Variants in SLC28A1 observed in about 807,000 individuals in gnomAD.
The protein encoded by SLC28A1 is solute carrier family 28 member 1, also known as sodium/nucleoside cotransporter 1.
Under a neutral mutation model 74.8 loss-of-function variants are expected in SLC28A1, and 64 were observed. That is an observed-to-expected ratio of 0.86 (90% CI 0.70 to 1.05). The LOEUF is 1.05. Among genes scored for constraint, SLC28A1 ranks in the 50% least tolerant of loss-of-function variants. SLC28A1 has a pLI of 0.00. For synonymous variants in SLC28A1, 359 were observed against 335.0 expected (o/e 1.07, Z -0.78); for missense variants, 828 against 822.8 (o/e 1.01, Z -0.08).
At chr15:84,935,284 C>A (rs984616988) in intron 14 of SLC28A1, 37 bp from the exon 15 acceptor site, 1 of 1,613,268 alleles carries the variant, frequency 6.2e-7, no homozygotes, top group Admixed American at 1.7e-5. Flanking sequence ...GAGCCCAGGC[C>A]CAGCCCTCGG....
intron 8 of SLC28A1, 122 bp from the exon 9 acceptor site, chr15:84,908,596 C>CT (rs373191647): frequency 8.9e-6 from 7 of 789,098 alleles, no homozygotes; most frequent in Admixed American, 2.0e-5. Context: ...TGCCCCCCCC[C>CT]GGATAAGGGC....
intron 1 of SLC28A1, among the ~76,000 whole-genome samples, 178 bp downstream of exon 1, chr15:84,884,929 C>T (rs550457188): frequency 1.3e-5 from 2 of 152,276 alleles, no homozygotes; most frequent in African/African-American, 4.8e-5. Context: ...CCCATGGAGA[C>T]AGTAGTGCTG....
chr15:84,887,587 G>T (rs1178288518), intron 2 of SLC28A1, 158 bp from the exon 3 acceptor site: 1 of 985,384 alleles, frequency 1.0e-6, no homozygotes, highest in Non-Finnish European at 1.2e-6. Flanking sequence ...ACAAGGAGGG[G>T]TGAGCTCTGG....
the SLC28A1 span, among the ~76,000 whole-genome samples, chr15:84,952,356 C>T: frequency 6.6e-6 from 1 of 152,148 alleles, no homozygotes; most frequent in Non-Finnish European, 1.5e-5. Flanking sequence ...AGTAAGAAGG[C>T]AGTAACCCAC....
intron 1 of SLC28A1, 62 bp downstream of exon 1, chr15:84,884,813 G>C: frequency 9.5e-6 from 8 of 837,788 alleles, no homozygotes; most frequent in Non-Finnish European, 1.2e-5. Context: ...GGGGAAGGGG[G>C]TAGCACAGGG....
intron 15 of SLC28A1, chr15:84,939,688 T>C (rs145349540): frequency 4.6e-5 from 7 of 152,302 alleles, no homozygotes; most frequent in Admixed American, 2.6e-4. Context: ...CTTTGTATCA[T>C]TGAAGTTTTA....
chr15:84,911,521 C>T (rs1968212660), intron 9 of SLC28A1, among the ~76,000 whole-genome samples: 1 of 152,160 alleles, frequency 6.6e-6, no homozygotes, highest in Non-Finnish European at 1.5e-5. Context: ...CATGTCTCTC[C>T]TCCAAATACA....
chr15:84,911,415 AGT>A (rs1423825740), intron 9 of SLC28A1, among the ~76,000 whole-genome samples: 2 of 152,210 alleles, frequency 1.3e-5, no homozygotes, highest in African/African-American at 2.4e-5. Flanking sequence ...GCAATGGCAC[AGT>A]GAGTTGGCGC....
At chr15:84,970,355 G>A in the SLC28A1 span, among the ~76,000 whole-genome samples, 10 of 152,102 alleles carry the variant, frequency 6.6e-5, no homozygotes, top group African/African-American at 9.7e-5. Flanking sequence ...TCACATGCCC[G>A]TGACTAACCA....
intron 15 of SLC28A1, among the ~76,000 whole-genome samples, chr15:84,937,368 T>TGCAGCAGCTGAAATCAGCA (rs1972058343): frequency 6.6e-6 from 1 of 152,192 alleles, no homozygotes; most frequent in South Asian, 2.1e-4. Context: ...TTCACGTGGC[T>TGCAGCAGCTGAAATCAGCA]GCAGCAGCTG....
intron 1 of SLC28A1, among the ~76,000 whole-genome samples, chr15:84,885,052 G>A (rs771680988): frequency 8.6e-5 from 13 of 152,038 alleles, no homozygotes; most frequent in Non-Finnish European, 1.5e-4. Flanking sequence ...TCCACCTCTC[G>A]GGTTCAAGCA....
At chr15:84,971,960 A>G in the SLC28A1 span, among the ~76,000 whole-genome samples, 2 of 152,260 alleles carry the variant, frequency 1.3e-5, no homozygotes, top group South Asian at 4.2e-4. Flanking sequence ...TTTTCTTTAT[A>G]AATTAGCCAG....
intron 6 of SLC28A1, chr15:84,895,400 G>T (rs1965879848): frequency 6.2e-7 from 1 of 1,614,056 alleles, no homozygotes; most frequent in East Asian, 2.2e-5. Flanking sequence ...ATGGAGCAAG[G>T]AGGGCCCGAA....
chr15:84,962,907 C>T, the SLC28A1 span, among the ~76,000 whole-genome samples: 4 of 152,128 alleles, frequency 2.6e-5, no homozygotes, highest in Non-Finnish European at 5.9e-5. Context: ...ACAGAGCTTT[C>T]GCCCCTCCCT....
intron 6 of SLC28A1, among the ~76,000 whole-genome samples, chr15:84,900,555 T>C (rs1966570018): frequency 6.6e-6 from 1 of 151,958 alleles, no homozygotes; most frequent in South Asian, 2.1e-4. Context: ...TTTCAGCACT[T>C]TGTGAGGCTG....
chr15:84,975,127 A>G, the SLC28A1 span, among the ~76,000 whole-genome samples: 5 of 152,184 alleles, frequency 3.3e-5, no homozygotes, highest in Non-Finnish European at 5.9e-5. Flanking sequence ...GGCCTGGGTG[A>G]CTTAGGTTCC....
At chr15:84,899,157 C>G (rs978378481) in intron 6 of SLC28A1, among the ~76,000 whole-genome samples, 4 of 151,104 alleles carry the variant, frequency 2.6e-5, no homozygotes, top group Admixed American at 2.6e-4. Flanking sequence ...GTTTAGCGTA[C>G]TAAGAAGGTT....
chr15:84,890,558 C>T (rs1965255354), intron 5 of SLC28A1, 24 bp downstream of exon 5: 1 of 1,573,770 alleles, frequency 6.4e-7, no homozygotes, highest in Non-Finnish European at 8.7e-7. Flanking sequence ...CCAGCACTAC[C>T]CAGGACACAA....
chr15:84,892,736 G>T (rs1029074847), intron 5 of SLC28A1, among the ~76,000 whole-genome samples: 1 of 152,168 alleles, frequency 6.6e-6, no homozygotes, highest in Admixed American at 6.5e-5. Flanking sequence ...CATATTCTCA[G>T]GACTTGGCTC....
Sources: allele counts gnomAD v4.1 joint callset (sites outside exome capture counted in the v4.1 genomes callset), GRCh38; gene constraint gnomAD v4.1.1; transcripts MANE v1.5; gene names NCBI Gene and HGNC (gene_info 2026-07-23, HGNC 2026-07-21).